ARRDC5: variants seen among roughly 807,000 people sequenced by gnomAD.
ARRDC5 encodes the protein arrestin domain-containing protein 5.
Under a neutral mutation model 13.3 loss-of-function variants are expected in ARRDC5, and 12 were observed. That is an observed-to-expected ratio of 0.90 (90% CI 0.58 to 1.46). The LOEUF is 1.46. Among genes scored for constraint, ARRDC5 ranks in the 40% most tolerant of loss-of-function variants. ARRDC5 has a pLI of 0.00. For missense variants in ARRDC5, 406 were observed against 418.7 expected, an observed-to-expected ratio of 0.97 and a Z score of 0.26; for synonymous variants, 181 against 173.4, an observed-to-expected ratio of 1.04 and a Z score of -0.34.
At chr19:4,903,526 A>G (rs1238435921), upstream of ARRDC5, 2 of 150,792 alleles carry the variant, frequency 1.3e-5, no homozygotes, top group Non-Finnish European at 2.9e-5. Context: ...ATTTTTTGTG[A>G]TGGTCTCACT....
In ARRDC5 at chr19:4,891,484, G is replaced by A. The variant is rs1237631140; in HGVS notation, c.549C>T (p.Asn183=). The A allele has an allele frequency of 3.1e-6, 5 of 1,613,718 alleles. No homozygotes were observed. The highest frequency in any genetic ancestry group is 2.2e-5 in the South Asian group (2 of 91,088). The change falls in exon 3 of 3, where the codon AAC becomes AAT. Residue 183 remains asparagine, a synonymous_variant. Transcript: ENST00000650722. The stretch of plus-strand genomic sequence containing the variant: ...CGACCTTCTCTCCTGGCGTGAAGGT[G>A]TTCCTTTCCATCTGGATTTGCAAAC... ...TVCLQIQMER[N]TFTPGEKVVF...
At chr19:4,893,152 ATATATATAATATATTAT>A (rs1294842454) in intron 2 of ARRDC5, among the ~76,000 whole-genome samples, 1 of 141,458 alleles carries the variant, frequency 7.1e-6, no homozygotes, top group East Asian at 2.0e-4. Context: ...TATTATTAGA[ATATATATAATATATTAT>A]TATATATAAT....
At chr19:4,909,998 A>T in the ARRDC5 span, 1 of 184,020 alleles carries the variant, frequency 5.4e-6, no homozygotes, top group Non-Finnish European at 1.1e-5. Context: ...GCGCGCCCTG[A>T]GTTCCCCGGG....
Position 4,896,205 on chromosome 19 carries a change from C to T in ARRDC5, c.459+466G>A, listed in dbSNP as rs1599213553. 2.6e-5 allele frequency among the ~76,000 whole-genome samples: 4 copies of T among 151,326 alleles called. No homozygotes were observed. The South Asian group carries it at 8.3e-4, about 32-fold the overall frequency. The stretch of plus-strand genomic sequence containing the variant: ...TGGTGCACATCTGTAATCCCAGTTA[C>T]TCAGGAGGCTGAGGCAGGAGAATCG... On this transcript the variant is annotated intron_variant, in intron 2 of 2. Transcript: ENST00000650722.
At chr19:4,909,899 G>A in the ARRDC5 span, 1 of 371,926 alleles carries the variant, frequency 2.7e-6, no homozygotes, top group Non-Finnish European at 4.8e-6. Context: ...GGTGGGGGAG[G>A]GCCTGGCGAG....
At chr19:4,897,740 C>T (rs1210142262) in intron 1 of ARRDC5, among the ~76,000 whole-genome samples, 1 of 152,196 alleles carries the variant, frequency 6.6e-6, no homozygotes, top group Non-Finnish European at 1.5e-5. Flanking sequence ...TGGTCTTGAA[C>T]TTCTGGCCAC....
chr19:4,915,797 G>A, the ARRDC5 span, among the ~76,000 whole-genome samples: 1 of 152,188 alleles, frequency 6.6e-6, no homozygotes, highest in East Asian at 1.9e-4. Context: ...CAATTAGATT[G>A]CATACTTTAA....
the ARRDC5 span, among the ~76,000 whole-genome samples, chr19:4,908,884 G>A: frequency 5.3e-5 from 8 of 152,266 alleles, no homozygotes; most frequent in East Asian, 9.7e-4. Flanking sequence ...TCCTGTGCCC[G>A]CCAGGACTGG....
intron 1 of ARRDC5, among the ~76,000 whole-genome samples, chr19:4,899,248 C>A (rs1006084631): frequency 1.3e-5 from 2 of 151,096 alleles, no homozygotes; most frequent in Admixed American, 6.6e-5. Context: ...GGAGGCGGAG[C>A]TTGCAGTGAG....
rs116028677 is a variant in ARRDC5 at position 4,890,567 on chromosome 19, C to T, written c.*479G>A. The stretch of plus-strand genomic sequence containing the variant: ...GCCACCATGCTCAGCCCCCTTGGTA[C>T]TGTTGACATTCAGGATAAACAATTC... On this transcript the variant is annotated 3_prime_UTR_variant, in exon 3 of 3. Coordinates refer to ENST00000650722, the MANE Select transcript of ARRDC5 (RefSeq NM_001080523.3). 1,488 of 164,192 alleles carry T rather than the reference C, an allele frequency of 9.1e-3. 10 individuals are homozygous for T. Among genetic ancestry groups the T allele is most frequent in the African/African-American group, 0.028 (1,167 of 41,684 alleles). 10.2% of individuals were successfully genotyped at this position (164,192 alleles called of 1,614,324 possible). A position where few individuals can be genotyped will look rare whatever the true frequency, so the allele number is the denominator to read the frequency against.
chr19:4,913,169 G>A, the ARRDC5 span, among the ~76,000 whole-genome samples: 5 of 151,192 alleles, frequency 3.3e-5, no homozygotes, highest in East Asian at 7.8e-4. Flanking sequence ...TAATACTTGA[G>A]TCATACAATA....
chr19:4,914,894 A>G, the ARRDC5 span, among the ~76,000 whole-genome samples: 1 of 152,106 alleles, frequency 6.6e-6, no homozygotes, highest in Admixed American at 6.6e-5. Context: ...TGCCAGGCTC[A>G]CAATGAAAGC....
chr19:4,895,651 C>A (rs184536810), intron 2 of ARRDC5, among the ~76,000 whole-genome samples: 1 of 152,108 alleles, frequency 6.6e-6, no homozygotes, highest in Non-Finnish European at 1.5e-5. Context: ...CTGCACTGCC[C>A]GTCCTTCTCC....
chr19:4,911,496 C>A, the ARRDC5 span, among the ~76,000 whole-genome samples: 1 of 152,060 alleles, frequency 6.6e-6, no homozygotes, highest in Non-Finnish European at 1.5e-5. Flanking sequence ...GTGTTTGTTT[C>A]TAAAAATTTG....
rs762771067 is a variant in ARRDC5 at position 4,896,720 on chromosome 19, T to C, written c.410A>G (p.Tyr137Cys). The C allele has an allele frequency of 6.8e-6, 11 of 1,613,642 alleles. No homozygotes were observed. In the South Asian group the frequency reaches 9.9e-5, roughly 14 times the overall value. The change falls in exon 2 of 3, where the codon TAC becomes TGC. Residue 137 changes from tyrosine to cysteine, a missense_variant. Coordinates refer to ENST00000650722, the MANE Select transcript of ARRDC5 (RefSeq NM_001080523.3). ...GGTGGAAGTTCCTTGAACCAATAAG[T>C]ACATCCTCTTCTTGGCTAAAATGTG... ...REHILAKKRMYLLVQGTSTFH... is the reference protein window; with the variant it reads ...REHILAKKRMCLLVQGTSTFH...
chr19:4,896,342 ATATATATTT>A (rs1307257922), intron 2 of ARRDC5, among the ~76,000 whole-genome samples: 1 of 78,932 alleles, frequency 1.3e-5, no homozygotes, highest in Non-Finnish European at 2.2e-5. Context: ...ATATATATAT[ATATATATTT>A]TTTTTTTTTT....
Position 4,891,002 on chromosome 19 carries a change from T to C in ARRDC5, c.*44A>G, listed in dbSNP as rs1341617235. On this transcript the variant is annotated 3_prime_UTR_variant, in exon 3 of 3. Transcript: ENST00000650722. The stretch of plus-strand genomic sequence containing the variant: ...CTGTGCAAGAGAGAGGGCTTCCTCC[T>C]GGTAGAGACTAATAAAGCTTTTAAT... 3 of 1,532,164 alleles carry C rather than the reference T, an allele frequency of 2.0e-6. No homozygotes were observed. The highest frequency in any genetic ancestry group is 2.7e-6 in the Non-Finnish European group (3 of 1,132,012). 94.9% of individuals were successfully genotyped at this position (1,532,164 alleles called of 1,614,324 possible).
At position 4,891,389 on chromosome 19, in the gene ARRDC5, T is replaced by A. The variant is rs1340699369; in HGVS notation, c.644A>T (p.His215Leu). ...GGGCGTGAAGCCCTCGTACTGTATGTGGGCATACAGGGCGAATACGACCGT... is the reference window on the plus strand; with the variant it reads ...GGGCGTGAAGCCCTCGTACTGTATGAGGGCATACAGGGCGAATACGACCGT... Reference protein sequence around the residue: ...IKTVVFALYAHIQYEGFTPSA... With the variant: ...IKTVVFALYALIQYEGFTPSA... Residue 215 changes from histidine (H) to leucine (L), a missense_variant, in exon 3 of 3, where the codon CAC (histidine) becomes CTC (leucine). Transcript: ENST00000650722. 2 of 1,613,372 alleles carry A rather than the reference T, an allele frequency of 1.2e-6. No homozygotes were observed.
the ARRDC5 span, among the ~76,000 whole-genome samples, chr19:4,912,881 T>C: frequency 7.9e-5 from 12 of 152,086 alleles, no homozygotes; most frequent in Admixed American, 7.9e-4. Context: ...AGCCTCAGCC[T>C]CCCAAGTAGC....
Sources: allele counts gnomAD v4.1 joint callset (sites outside exome capture counted in the v4.1 genomes callset), GRCh38; gene constraint gnomAD v4.1.1; transcripts MANE v1.5; gene names NCBI Gene and HGNC (gene_info 2026-07-23, HGNC 2026-07-21).